Variants in LRBA observed in about 807,000 individuals in gnomAD.
The protein encoded by LRBA is lipopolysaccharide-responsive and beige-like anchor protein.
A neutral mutation model predicts 330.0 loss-of-function variants in LRBA; 176 were observed. That is an observed-to-expected ratio of 0.53 (90% CI 0.47 to 0.60). The LOEUF is 0.60. Ranked by LOEUF, LRBA falls within the 20% of genes least tolerant of loss-of-function variation. The pLI is 0.00. For synonymous variants in LRBA, 1,230 were observed against 1,193.0 expected, an observed-to-expected ratio of 1.03 and a Z score of -0.64; for missense variants, 3,259 against 3,444.8, an observed-to-expected ratio of 0.95 and a Z score of 1.35.
rs1178333185 is a variant in LRBA, at chr4:150,893,103, G to A, written c.2114C>T (p.Ser705Leu). 2 of 1,612,364 alleles carry A rather than the reference G, an allele frequency of 1.2e-6. No individual in the cohort carries two copies. ...DVLQLLVALM[S>L]EHPNSMIPAF... ...AGGAATCATAGAGTTAGGGTGTTCT[G>A]ACATTAATGCAACAAGCAGCTGTAG... Residue 705 changes from serine to leucine, a missense_variant, in exon 17 of 57, where the codon TCA becomes TTA. Physicochemically the swap from Ser to Leu is moderately radical, Grantham distance 145. Transcript: ENST00000651943.
At chr4:150,657,783 T>A (rs1005517244) in intron 37 of LRBA, among the ~76,000 whole-genome samples, 4 of 152,290 alleles carry the variant, frequency 2.6e-5, no homozygotes, top group Non-Finnish European at 5.9e-5. Flanking sequence ...ACTATGTGCC[T>A]GACACTACTC....
At chr4:150,526,680 T>C (rs913842871) in intron 40 of LRBA, among the ~76,000 whole-genome samples, 21 of 152,160 alleles carry the variant, frequency 1.4e-4, no homozygotes, top group African/African-American at 4.8e-5. Context: ...ATTTGTATCA[T>C]CTATTTCCCT....
chr4:150,717,183 A>G (rs2127063024), intron 36 of LRBA, among the ~76,000 whole-genome samples: 1 of 152,322 alleles, frequency 6.6e-6, no homozygotes, highest in Middle Eastern at 3.4e-3. Context: ...TGGGCTGAAG[A>G]TAATAACATT....
At chr4:150,844,584 G>C in intron 27 of LRBA, 74 bp downstream of exon 27, 4 of 1,345,478 alleles carry the variant, frequency 3.0e-6, no homozygotes, top group Non-Finnish European at 4.1e-6. Flanking sequence ...ACTTTATGTT[G>C]AAATGAACAA....
chr4:150,444,729 A>C (rs1036117527), intron 44 of LRBA, among the ~76,000 whole-genome samples: 4 of 152,214 alleles, frequency 2.6e-5, no homozygotes, highest in Non-Finnish European at 5.9e-5. Flanking sequence ...AGTGGCATTA[A>C]ATATATACTC....
intron 35 of LRBA, among the ~76,000 whole-genome samples, chr4:150,761,007 A>C (rs1735004598): frequency 6.6e-6 from 1 of 152,140 alleles, no homozygotes; most frequent in African/African-American, 2.4e-5. Flanking sequence ...TCAATCTTCC[A>C]ACAACATTAC....
intron 36 of LRBA, among the ~76,000 whole-genome samples, chr4:150,718,408 T>C (rs1478075302): frequency 6.6e-6 from 1 of 152,110 alleles, no homozygotes; most frequent in Non-Finnish European, 1.5e-5. Flanking sequence ...TATTTAAGAA[T>C]GTACAGCTTG....
chr4:150,855,322 T>C (rs1428111933), intron 22 of LRBA, among the ~76,000 whole-genome samples: 3 of 152,158 alleles, frequency 2.0e-5, no homozygotes, highest in African/African-American at 7.2e-5. Context: ...AGAGCATTTC[T>C]CCACCAACAA....
chr4:150,550,650 T>C (rs1352037640), intron 40 of LRBA, among the ~76,000 whole-genome samples: 1 of 152,212 alleles, frequency 6.6e-6, no homozygotes, highest in African/African-American at 2.4e-5. Flanking sequence ...TTCAGCTAAG[T>C]TTCTACACAC....
rs1747285429 is a variant in LRBA, at chr4:150,832,068, CA to C, written c.4570-93del. On this transcript the variant is annotated intron_variant, in intron 28 of 56. Transcript: ENST00000651943. ...AATGTTTAAATACAAAACATGTTCA[CA>C]AATCTTTCAATATACACAGAAAATA... is the stretch of plus-strand genomic sequence containing the variant. 6 of 690,040 alleles carry C rather than the reference CA, an allele frequency of 8.7e-6. No homozygotes were observed. In the East Asian group the frequency reaches 1.8e-4, roughly 21 times the overall value. 42.7% of individuals were successfully genotyped at this position (690,040 alleles called of 1,614,324 possible). A position where few individuals can be genotyped will look rare whatever the true frequency, so the allele number is the denominator to read the frequency against.
At chr4:150,878,788 C>G (rs1385814180) in intron 17 of LRBA, among the ~76,000 whole-genome samples, 1 of 151,138 alleles carries the variant, frequency 6.6e-6, no homozygotes. Flanking sequence ...AAATTAAAAC[C>G]CTGAACAGAC....
rs375808072 is a variant in LRBA at position 150,548,134 on chromosome 4, CAT to C, written c.6330+39912_6330+39913del. On this transcript the variant is annotated intron_variant, in intron 40 of 56. Transcript: ENST00000651943. ...GCAGCAAGCACTGCCATAATACAAA[CAT>C]TTTTTTCAAAGTAAAAATACATTTC... Among the ~76,000 whole-genome samples the C allele has an allele frequency of 1.2e-3, 176 of 152,250 alleles. 3 individuals carry two copies. Among genetic ancestry groups the C allele is most frequent in the African/African-American group, 4.1e-3 (172 of 41,568 alleles).
intron 40 of LRBA, among the ~76,000 whole-genome samples, chr4:150,571,649 GTTTT>G (rs58652637): frequency 9.2e-4 from 69 of 74,596 alleles, no homozygotes; most frequent in African/African-American, 3.0e-3. Flanking sequence ...CTGGTTAGTT[GTTTT>G]TTTTTTTTTT....
intron 2 of LRBA, among the ~76,000 whole-genome samples, chr4:150,977,187 G>C (rs1432022594): frequency 6.6e-6 from 1 of 152,204 alleles, no homozygotes; most frequent in Non-Finnish European, 1.5e-5. Context: ...TGGCAGCGCA[G>C]CTTGCAACAA....
At position 150,475,731 on chromosome 4, in the gene LRBA, TA is replaced by T. The variant is rs368974634; in HGVS notation, c.6552-3993del. ...GCAACATAGGAAGACCCTATCTCTA[TA>T]AAAAAAAAAAAAAATCAAAATATTA... On this transcript the variant is annotated intron_variant, in intron 42 of 56. Transcript: ENST00000651943. Among the ~76,000 whole-genome samples, 1,147 of 132,948 alleles carry T rather than the reference TA, an allele frequency of 8.6e-3. 5 individuals carry two copies. Among genetic ancestry groups the T allele is most frequent in the African/African-American group, 0.019 (688 of 36,530 alleles). 87.2% of individuals were successfully genotyped at this position (132,948 alleles called of 152,430 possible). A position where few individuals can be genotyped will look rare whatever the true frequency, so the allele number is the denominator to read the frequency against.
chr4:150,977,871 A>G (rs1740375950), intron 2 of LRBA, among the ~76,000 whole-genome samples: 1 of 152,244 alleles, frequency 6.6e-6, no homozygotes, highest in Non-Finnish European at 1.5e-5. Context: ...TAGCCACAGA[A>G]TAGAGCACCA....
At chr4:150,448,194 T>C (rs1752844040) in intron 44 of LRBA, among the ~76,000 whole-genome samples, 1 of 152,150 alleles carries the variant, frequency 6.6e-6, no homozygotes, top group African/African-American at 2.4e-5. Context: ...TTAATGGGAT[T>C]GTATCTAAGG....
intron 44 of LRBA, among the ~76,000 whole-genome samples, chr4:150,455,829 G>T (rs889395969): frequency 3.3e-5 from 5 of 151,636 alleles, no homozygotes; most frequent in African/African-American, 1.2e-4. Context: ...ACCCTTCCCA[G>T]CCTCTGGGAA....
chr4:150,415,922 A>C (rs1747669880), intron 46 of LRBA, among the ~76,000 whole-genome samples: 1 of 152,208 alleles, frequency 6.6e-6, no homozygotes, highest in African/African-American at 2.4e-5. Context: ...CTATAACAAT[A>C]ATGACAACCT....
Sources: allele counts gnomAD v4.1 joint callset (sites outside exome capture counted in the v4.1 genomes callset), GRCh38; gene constraint gnomAD v4.1.1; transcripts MANE v1.5; gene names NCBI Gene and HGNC (gene_info 2026-07-23, HGNC 2026-07-21).